Variants in ZNF385D observed in about 807,000 individuals in gnomAD.
ZNF385D encodes zinc finger protein 659.
A neutral mutation model predicts 35.8 loss-of-function variants in ZNF385D; 15 were observed. The observed-to-expected ratio is 0.42, with a 90% CI of 0.28 to 0.64. The LOEUF is 0.64. Ranked by LOEUF, ZNF385D falls within the 30% of genes least tolerant of loss-of-function variation. The pLI, the probability that ZNF385D is intolerant of heterozygous loss-of-function variation, is 0.23. For synonymous variants in ZNF385D, 212 were observed against 186.8 expected, an observed-to-expected ratio of 1.13 and a Z score of -1.10; for missense variants, 474 against 494.6, an observed-to-expected ratio of 0.96 and a Z score of 0.39.
In ZNF385D at chr3:21,765,089, G is replaced by C. The variant is rs570116153; in HGVS notation, c.326-100061C>G. Reference sequence around the variant, plus strand: ...TTTCTCTGAAGTTTCCAAAATGAGAGTCTTTATAAGTACAGTAGTATTTTC... The same window carrying C: ...TTTCTCTGAAGTTTCCAAAATGAGACTCTTTATAAGTACAGTAGTATTTTC... On this transcript the variant is annotated intron_variant, in intron 3 of 5. Transcript: ENST00000494108. Among the ~76,000 whole-genome samples, 6 of 152,190 alleles carry C rather than the reference G, an allele frequency of 3.9e-5. No individual in the cohort carries two copies. In the South Asian group the frequency reaches 1.0e-3, roughly 26 times the overall value.
At chr3:22,131,028 G>T (rs572175956) in intron 3 of ZNF385D, among the ~76,000 whole-genome samples, 1 of 152,164 alleles carries the variant, frequency 6.6e-6, no homozygotes, top group South Asian at 2.1e-4. Context: ...TTAGAGAACA[G>T]TTAAATTTAT....
chr3:21,890,630 TAAAAG>T (rs955509276), intron 3 of ZNF385D, among the ~76,000 whole-genome samples: 9 of 149,058 alleles, frequency 6.0e-5, no homozygotes, highest in South Asian at 2.1e-4. Flanking sequence ...GAAAAGAAAA[TAAAAG>T]AGAAGAGAAG....
intron 4 of ZNF385D, among the ~76,000 whole-genome samples, chr3:21,439,049 C>T (rs1210898785): frequency 6.6e-6 from 1 of 152,048 alleles, no homozygotes; most frequent in Non-Finnish European, 1.5e-5. Flanking sequence ...TGTGTGTATG[C>T]ATCTGTGAAT....
intron 3 of ZNF385D, among the ~76,000 whole-genome samples, chr3:22,063,330 A>T (rs1414500793): frequency 6.6e-6 from 1 of 152,206 alleles, no homozygotes; most frequent in African/African-American, 2.4e-5. Flanking sequence ...GAAACCAACA[A>T]ACATACATCA....
intron 2 of ZNF385D, among the ~76,000 whole-genome samples, chr3:22,343,592 G>A (rs918153550): frequency 2.0e-5 from 3 of 152,132 alleles, no homozygotes; most frequent in Admixed American, 6.5e-5. Context: ...CCTTGGCCAT[G>A]TTCCTTGATC....
intron 2 of ZNF385D, among the ~76,000 whole-genome samples, chr3:21,655,974 AT>A (rs969138132): frequency 2.0e-5 from 3 of 151,790 alleles, no homozygotes; most frequent in Non-Finnish European, 4.4e-5. Context: ...TGATCAATAC[AT>A]TTTTTTTCCT....
intron 3 of ZNF385D, among the ~76,000 whole-genome samples, chr3:22,082,457 G>C (rs552560972): frequency 1.3e-5 from 2 of 152,298 alleles, no homozygotes; most frequent in East Asian, 3.9e-4. Context: ...TGCTAGTGCA[G>C]CAGTCCGAGA....
intron 3 of ZNF385D, among the ~76,000 whole-genome samples, chr3:21,890,275 G>C (rs1225903533): frequency 6.6e-6 from 1 of 152,146 alleles, no homozygotes; most frequent in Non-Finnish European, 1.5e-5. Context: ...TTTTCCTTAA[G>C]ACTAAAAGAA....
intron 3 of ZNF385D, among the ~76,000 whole-genome samples, chr3:21,811,857 G>T (rs1274829172): frequency 1.3e-5 from 2 of 152,152 alleles, no homozygotes; most frequent in African/African-American, 2.4e-5. Context: ...ATGGCTCATG[G>T]ATGGTGAATT....
chr3:22,279,904 C>CA (rs1701651025), intron 2 of ZNF385D, among the ~76,000 whole-genome samples: 1 of 151,982 alleles, frequency 6.6e-6, no homozygotes, highest in Non-Finnish European at 1.5e-5. Flanking sequence ...TTCCCACCAA[C>CA]GTGTAAAAGT....
At chr3:21,519,957 T>C (rs112051910) in intron 3 of ZNF385D, among the ~76,000 whole-genome samples, 3,742 of 152,302 alleles carry the variant, frequency 0.025, 67 homozygotes, top group African/African-American at 0.057. Context: ...TTGTTTTATA[T>C]CCTGGCATAA....
At chr3:21,848,187 A>T (rs1696139229) in intron 3 of ZNF385D, among the ~76,000 whole-genome samples, 4 of 151,982 alleles carry the variant, frequency 2.6e-5, no homozygotes, top group African/African-American at 7.2e-5. Flanking sequence ...CCTTTTTTTT[A>T]AAAAAGGACA....
intron 3 of ZNF385D, among the ~76,000 whole-genome samples, chr3:21,999,977 A>C (rs1181329431): frequency 6.6e-6 from 1 of 152,118 alleles, no homozygotes; most frequent in Non-Finnish European, 1.5e-5. Context: ...CAGACACAAG[A>C]AGCTCAAAAA....
chr3:22,247,334 G>C (rs1435611744), intron 2 of ZNF385D, among the ~76,000 whole-genome samples: 1 of 151,998 alleles, frequency 6.6e-6, no homozygotes, highest in African/African-American at 2.4e-5. Flanking sequence ...ACAGTAGAAA[G>C]TGTGTATATT....
intron 5 of ZNF385D, among the ~76,000 whole-genome samples, chr3:21,430,679 C>T (rs1280923337): frequency 1.9e-4 from 29 of 152,120 alleles, no homozygotes; most frequent in Admixed American, 1.8e-3. Context: ...AGGCTCTACC[C>T]CGCTTCTCTA....
At chr3:22,070,536 C>A (rs1700180391) in intron 3 of ZNF385D, among the ~76,000 whole-genome samples, 1 of 152,046 alleles carries the variant, frequency 6.6e-6, no homozygotes, top group Admixed American at 6.6e-5. Flanking sequence ...TATGAAAGTT[C>A]TTCCCATCCT....
chr3:21,964,434 A>AAAG (rs1702775874), intron 3 of ZNF385D, among the ~76,000 whole-genome samples: 2 of 46,046 alleles, frequency 4.3e-5, no homozygotes, highest in Non-Finnish European at 6.7e-5. Context: ...AAAAAAAAAG[A>AAAG]AAAAAAAAAA....
At chr3:21,739,349 G>T (rs1308769159) in intron 1 of ZNF385D, among the ~76,000 whole-genome samples, 2 of 152,148 alleles carry the variant, frequency 1.3e-5, no homozygotes, top group East Asian at 3.8e-4. Context: ...ATTTTTAATG[G>T]AAGCTGCGGT....
chr3:21,703,359 C>A (rs1364326325), intron 1 of ZNF385D, among the ~76,000 whole-genome samples: 1 of 152,014 alleles, frequency 6.6e-6, no homozygotes, highest in Non-Finnish European at 1.5e-5. Flanking sequence ...CCCCCTGGGT[C>A]CCTCCTATAA....
Sources: allele counts gnomAD v4.1 joint callset (sites outside exome capture counted in the v4.1 genomes callset), GRCh38; gene constraint gnomAD v4.1.1; transcripts MANE v1.5; gene names NCBI Gene and HGNC (gene_info 2026-07-23, HGNC 2026-07-21).